SLC25A42: variants seen among roughly 807,000 people sequenced by gnomAD.
SLC25A42 encodes the protein mitochondrial coenzyme A transporter SLC25A42.
Under a neutral mutation model 34.7 loss-of-function variants are expected in SLC25A42, and 19 were observed. That is an observed-to-expected ratio of 0.55 (90% CI 0.38 to 0.80). SLC25A42 has a LOEUF of 0.80. Ranked by LOEUF, SLC25A42 falls within the 30% of genes least tolerant of loss-of-function variation. The pLI is 0.00. For missense variants in SLC25A42, 364 were observed against 441.3 expected, an observed-to-expected ratio of 0.82 and a Z score of 1.57; for synonymous variants, 205 against 191.2, an observed-to-expected ratio of 1.07 and a Z score of -0.59.
chr19:19,076,749 A>G (rs2059657668), intron 1 of SLC25A42, among the ~76,000 whole-genome samples: 1 of 152,222 alleles, frequency 6.6e-6, no homozygotes, highest in Admixed American at 6.5e-5. Context: ...TTTTATGTAT[A>G]TATGCATCCT....
chr19:19,096,254 T>TGGGCCCC, intron 2 of SLC25A42, 49 bp downstream of exon 2: 4 of 1,456,648 alleles, frequency 2.7e-6, no homozygotes, highest in Non-Finnish European at 2.8e-6. Flanking sequence ...GGCCCCAGCC[T>TGGGCCCC]CCCCACCCCC....
intron 1 of SLC25A42, among the ~76,000 whole-genome samples, chr19:19,083,432 C>CT (rs2059690983): frequency 6.6e-6 from 1 of 152,238 alleles, no homozygotes; most frequent in South Asian, 2.1e-4. Context: ...ATTATTGAGT[C>CT]TAACGCAGCC....
intron 1 of SLC25A42, among the ~76,000 whole-genome samples, chr19:19,064,431 GCGCCCCCACTCACGAACACC>G (rs1184048873): frequency 9.3e-5 from 6 of 64,792 alleles, no homozygotes; most frequent in East Asian, 3.7e-4. Context: ...ACCTGACACC[GCGCCCCCACTCACGAACACC>G]CGCCCCCACT....
chr19:19,078,746 C>G (rs2059667132), intron 1 of SLC25A42, among the ~76,000 whole-genome samples: 1 of 152,156 alleles, frequency 6.6e-6, no homozygotes, highest in African/African-American at 2.4e-5. Context: ...AGGCTCCCAC[C>G]ACCCTGTTAT....
chr19:19,089,496 C>A (rs1440824524), intron 1 of SLC25A42, among the ~76,000 whole-genome samples: 1 of 151,112 alleles, frequency 6.6e-6, no homozygotes, highest in East Asian at 1.9e-4. Flanking sequence ...GCAGTGCACT[C>A]CAGCCTGGGT....
chr19:19,082,821 TTTG>T (rs998826054), intron 1 of SLC25A42, among the ~76,000 whole-genome samples: 9 of 152,012 alleles, frequency 5.9e-5, no homozygotes, highest in East Asian at 1.9e-4. Context: ...TAATTTTTTT[TTTG>T]TTGTTGTTGT....
chr19:19,097,343 G>A (rs1347232755), intron 2 of SLC25A42, among the ~76,000 whole-genome samples: 1 of 152,222 alleles, frequency 6.6e-6, no homozygotes, highest in Non-Finnish European at 1.5e-5. Context: ...GTCACCACCA[G>A]GTGACTGAGG....
At chr19:19,070,792 A>G (rs1205116988) in intron 1 of SLC25A42, among the ~76,000 whole-genome samples, 2 of 152,114 alleles carry the variant, frequency 1.3e-5, no homozygotes, top group African/African-American at 2.4e-5. Context: ...GTTATTTCCA[A>G]CAGGACATTA....
chr19:19,066,971 C>T (rs774139496), intron 1 of SLC25A42, among the ~76,000 whole-genome samples: 1 of 144,412 alleles, frequency 6.9e-6, no homozygotes, highest in Admixed American at 7.2e-5. Flanking sequence ...GAGCTATAAT[C>T]ATGCCACTGC....
intron 1 of SLC25A42, among the ~76,000 whole-genome samples, chr19:19,092,820 C>T (rs1300875575): frequency 2.0e-5 from 3 of 152,160 alleles, no homozygotes; most frequent in African/African-American, 4.8e-5. Flanking sequence ...CTCACCCAAG[C>T]GCCCAAGTGC....
At chr19:19,066,337 A>G (rs777916248) in intron 1 of SLC25A42, among the ~76,000 whole-genome samples, 15 of 152,040 alleles carry the variant, frequency 9.9e-5, no homozygotes, top group Non-Finnish European at 1.9e-4. Flanking sequence ...GGGGAGGTAT[A>G]TATCCCCCAC....
rs2059863409 is a variant in SLC25A42, at chr19:19,111,242, A to G, written c.*366A>G. 1.4e-5 allele frequency: 4 copies of G among 292,014 alleles called. No homozygotes were observed. The South Asian group carries it at 1.4e-4, about 11-fold the overall frequency. The allele number at this position is 292,014 out of a possible 1,614,324, so 18.1% of individuals were successfully genotyped here. A position where few individuals can be genotyped will look rare whatever the true frequency, so the allele number is the denominator to read the frequency against. ...GCTGATTCTAGTGACCCCTGTCCCC[A>G]CCAGGCTCAGAGCCAGACCGCGCCT... On this transcript the variant is annotated 3_prime_UTR_variant, in exon 8 of 8. Transcript: ENST00000318596.
chr19:19,067,798 T>A (rs945778081), intron 1 of SLC25A42, among the ~76,000 whole-genome samples: 4 of 151,934 alleles, frequency 2.6e-5, no homozygotes, highest in Non-Finnish European at 4.4e-5. Context: ...AGATGTTAAA[T>A]CTGTCTGGGA....
At chr19:19,079,047 ATTTTTTAT>A (rs1009537221) in intron 1 of SLC25A42, among the ~76,000 whole-genome samples, 4 of 149,744 alleles carry the variant, frequency 2.7e-5, no homozygotes, top group Non-Finnish European at 5.9e-5. Flanking sequence ...TTTTTAGACA[ATTTTTTAT>A]TTTTTTATTT....
chr19:19,107,451 G>C (rs2059837785), intron 6 of SLC25A42, among the ~76,000 whole-genome samples: 1 of 152,042 alleles, frequency 6.6e-6, no homozygotes, highest in African/African-American at 2.4e-5. Flanking sequence ...TGGTCAACAT[G>C]GCAAACTCTA....
intron 1 of SLC25A42, among the ~76,000 whole-genome samples, chr19:19,087,505 C>G (rs1389015269): frequency 6.6e-6 from 1 of 152,190 alleles, no homozygotes; most frequent in Non-Finnish European, 1.5e-5. Flanking sequence ...CCAGGCTGGT[C>G]TTGAACTCCT....
At chr19:19,102,559 C>A (rs192341393) in intron 3 of SLC25A42, among the ~76,000 whole-genome samples, 2 of 151,936 alleles carry the variant, frequency 1.3e-5, no homozygotes, top group Admixed American at 1.3e-4. Context: ...GCCTAGCCAA[C>A]ATGGTGAAAC....
chr19:19,093,374 G>A lies in SLC25A42; in HGVS notation c.-34-2717G>A, dbSNP rs188884120. On this transcript the variant is annotated intron_variant, in intron 1 of 7. Coordinates refer to ENST00000318596, the MANE Select transcript of SLC25A42 (RefSeq NM_178526.5). ...AGGCTGTACCAAGTTCCCCGACACC[G>A]CACACATCTAGCGTCCCTTACGCAT... Among the ~76,000 whole-genome samples, 208 of 152,292 alleles carry A rather than the reference G, an allele frequency of 1.4e-3. 1 individual carries two copies. The highest frequency in any genetic ancestry group is 6.8e-3 in the Middle Eastern group (2 of 294).
At chr19:19,073,539 G>A (rs1025673069) in intron 1 of SLC25A42, among the ~76,000 whole-genome samples, 1 of 151,848 alleles carries the variant, frequency 6.6e-6, no homozygotes, top group Non-Finnish European at 1.5e-5. Flanking sequence ...AATCAAATGC[G>A]GATTGCTGTG....
Sources: gnomAD v4.1 joint callset for allele counts (sites outside exome capture counted in the v4.1 genomes callset) on GRCh38, gnomAD v4.1.1 for gene constraint, MANE v1.5 for transcripts, NCBI Gene and HGNC (gene_info 2026-07-23, HGNC 2026-07-21) for gene names.